RBM27: variants seen among roughly 807,000 people sequenced by gnomAD.
RBM27 encodes RNA binding motif protein 27.
In RBM27, 22 loss-of-function variants were observed where a neutral mutation model predicts 135.3. The ratio of observed to expected loss-of-function variants is 0.16; its 90% CI spans 0.12 to 0.23. The LOEUF (loss-of-function observed/expected upper bound fraction) is 0.23, where lower values mean the gene tolerates loss of function less well. Among genes scored for constraint, RBM27 ranks in the 10% least tolerant of loss-of-function variants. RBM27 has a pLI of 1.00. For missense variants in RBM27, 1,009 were observed against 1,281.0 expected (o/e 0.79, Z 3.24); for synonymous variants, 481 against 442.4 (o/e 1.09, Z -1.10).
chr5:146,274,086 G>A (rs2126892890), intron 19 of RBM27, among the ~76,000 whole-genome samples: 1 of 152,258 alleles, frequency 6.6e-6, no homozygotes, highest in South Asian at 2.1e-4. Context: ...CTGGGTTCAA[G>A]CGATTATCCT....
chr5:146,273,993 A>AT (rs1758979647), intron 19 of RBM27, among the ~76,000 whole-genome samples: 2 of 151,944 alleles, frequency 1.3e-5, no homozygotes, highest in South Asian at 2.1e-4. Flanking sequence ...TTAAAAATGT[A>AT]TTTTTTTTGA....
At chr5:146,205,780 G>A (rs1288497626) in intron 1 of RBM27, among the ~76,000 whole-genome samples, 1 of 152,104 alleles carries the variant, frequency 6.6e-6, no homozygotes, top group Admixed American at 6.6e-5. Context: ...CGACACTTTG[G>A]GGGGCCTAGG....
rs916698418 is a variant in RBM27 at position 146,255,088 on chromosome 5, A to C, written c.1590A>C (p.Pro530=). The change falls in exon 10 of 21, where the codon CCA becomes CCC. Residue 530 remains proline (P), a synonymous_variant. Transcript: ENST00000265271. ...GLTSGDMDVN[P]RAANIVIQTE... ...CATCTGGAGATATGGATGTAAATCCAAGAGGTGAGAATACCTTGAACTTTT... is the reference window on the plus strand; with the variant it reads ...CATCTGGAGATATGGATGTAAATCCCAGAGGTGAGAATACCTTGAACTTTT... 6.2e-6 allele frequency: 10 copies of C among 1,610,616 alleles called. No individual in the cohort carries two copies. In the Admixed American group the frequency reaches 6.7e-5, roughly 11 times the overall value.
chr5:146,226,501 C>T (rs1017805444), intron 3 of RBM27, among the ~76,000 whole-genome samples: 1 of 152,092 alleles, frequency 6.6e-6, no homozygotes, highest in Non-Finnish European at 1.5e-5. Flanking sequence ...GCCTCAGTCT[C>T]CCAAGTAGCT....
chr5:146,259,803 G>C lies in RBM27; in HGVS notation c.1740-942G>C, dbSNP rs372440648. Among the ~76,000 whole-genome samples the C allele has an allele frequency of 4.4e-3, 655 of 147,408 alleles. 7 individuals are homozygous for C. Among genetic ancestry groups the C allele is most frequent in the African/African-American group, 0.016 (632 of 39,628 alleles). The stretch of plus-strand genomic sequence containing the variant: ...CCTGGCTAACAAGGTGAAACCCCGT[G>C]TCTACTAAAAATACAAAAAATTAGC... On this transcript the variant is annotated intron_variant, in intron 11 of 20. Coordinates refer to ENST00000265271, the MANE Select transcript of RBM27 (RefSeq NM_018989.2).
chr5:146,283,946 C>T (rs185915183), intron 19 of RBM27, among the ~76,000 whole-genome samples: 1 of 152,258 alleles, frequency 6.6e-6, no homozygotes, highest in African/African-American at 2.4e-5. Context: ...TTTTCTGAAA[C>T]TTTGGATCCC....
chr5:146,251,506 T>G (rs1240179255), intron 8 of RBM27, among the ~76,000 whole-genome samples: 2 of 152,224 alleles, frequency 1.3e-5, no homozygotes, highest in African/African-American at 4.8e-5. Flanking sequence ...ATTCTTATTC[T>G]TTTCTTTATA....
chr5:146,209,565 T>C (rs1328633757), intron 1 of RBM27, among the ~76,000 whole-genome samples: 1 of 152,182 alleles, frequency 6.6e-6, no homozygotes, highest in Non-Finnish European at 1.5e-5. Flanking sequence ...AGAGTTTACA[T>C]GTTGCTGTAT....
At chr5:146,255,936 A>C (rs756151909) in intron 10 of RBM27, among the ~76,000 whole-genome samples, 8 of 151,090 alleles carry the variant, frequency 5.3e-5, no homozygotes, top group African/African-American at 1.7e-4. Context: ...ACTCACTGCA[A>C]CCTCTGCCTC....
intron 9 of RBM27, 118 bp from the exon 10 acceptor site, chr5:146,254,825 G>T (rs988176405): frequency 8.8e-6 from 8 of 911,098 alleles, no homozygotes; most frequent in African/African-American, 3.4e-5. Flanking sequence ...GTGACTGTAG[G>T]TTGATGTATT....
intron 8 of RBM27, among the ~76,000 whole-genome samples, chr5:146,239,475 T>TC (rs1201899727): frequency 4.3e-4 from 60 of 139,742 alleles, no homozygotes; most frequent in African/African-American, 1.7e-3. Flanking sequence ...TCCTTTTCTT[T>TC]TTTTTTTTTT....
chr5:146,216,627 C>T (rs112673995), intron 1 of RBM27, among the ~76,000 whole-genome samples: 2,069 of 152,194 alleles, frequency 0.014, 49 homozygotes, highest in African/African-American at 0.046. Context: ...CAAAATGTAA[C>T]ATTTTTTACT....
intron 2 of RBM27, among the ~76,000 whole-genome samples, chr5:146,221,234 T>G (rs901650118): frequency 6.6e-6 from 1 of 152,010 alleles, no homozygotes; most frequent in Non-Finnish European, 1.5e-5. Context: ...ATACACTACA[T>G]TTTTAAAAGG....
intron 19 of RBM27, among the ~76,000 whole-genome samples, chr5:146,281,377 G>A (rs1305239585): frequency 6.6e-6 from 1 of 152,110 alleles, no homozygotes; most frequent in Non-Finnish European, 1.5e-5. Context: ...TAAATAAGAT[G>A]TCTTTCAACA....
At chr5:146,258,300 G>T (rs374745099) in intron 10 of RBM27, 149 bp from the exon 11 acceptor site, 1 of 503,388 alleles carries the variant, frequency 2.0e-6, no homozygotes, top group African/African-American at 2.0e-5. Context: ...ATAGAAAAAG[G>T]CATTTGTAAC....
chr5:146,218,651 C>G (rs1756315962), intron 1 of RBM27, among the ~76,000 whole-genome samples: 1 of 152,134 alleles, frequency 6.6e-6, no homozygotes, highest in African/African-American at 2.4e-5. Flanking sequence ...GACAGTGCTT[C>G]TATAGCTGGG....
intron 14 of RBM27, 107 bp from the exon 15 acceptor site, chr5:146,267,542 C>A: frequency 4.6e-6 from 3 of 649,122 alleles, no homozygotes; most frequent in Non-Finnish European, 7.5e-6. Context: ...GAAAATTTAA[C>A]TCCTAAGAAG....
intron 20 of RBM27, 80 bp downstream of exon 20, chr5:146,284,812 A>C: frequency 1.1e-6 from 1 of 869,752 alleles, no homozygotes; most frequent in Non-Finnish European, 1.8e-6. Flanking sequence ...AATAGTATAA[A>C]TTAAAAAATG....
intron 1 of RBM27, among the ~76,000 whole-genome samples, chr5:146,217,647 G>C (rs949154460): frequency 4.0e-5 from 6 of 151,506 alleles, no homozygotes; most frequent in African/African-American, 1.5e-4. Flanking sequence ...GAAGGCCCAA[G>C]GATTATAGAA....
Sources: allele counts gnomAD v4.1 joint callset (sites outside exome capture counted in the v4.1 genomes callset), GRCh38; gene constraint gnomAD v4.1.1; transcripts MANE v1.5; gene names NCBI Gene and HGNC (gene_info 2026-07-23, HGNC 2026-07-21).